The following LEF1 variants were observed in gnomAD, a reference collection of about 807,000 sequenced individuals.
LEF1 encodes lymphoid enhancer-binding factor 1.
In LEF1, 14 loss-of-function variants were observed where a neutral mutation model predicts 51.2. That is an observed-to-expected ratio of 0.27 (90% CI 0.18 to 0.43). The LOEUF is 0.43. Ranked by LOEUF, LEF1 falls within the 20% of genes least tolerant of loss-of-function variation. The probability of loss-of-function intolerance (pLI) is 1.00; values close to 1 mark genes in which losing one functional copy is unlikely to be tolerated. For synonymous variants in LEF1, 185 were observed against 183.2 expected (o/e 1.01, Z -0.08); for missense variants, 386 against 512.0 (o/e 0.75, Z 2.37).
At chr4:108,075,530 C>T (rs1164431067) in intron 8 of LEF1, 2 of 152,170 alleles carry the variant, frequency 1.3e-5, no homozygotes, top group Admixed American at 6.5e-5. Context: ...GGCTACCACA[C>T]AGATATGAAG....
intron 3 of LEF1, among the ~76,000 whole-genome samples, chr4:108,111,351 C>T (rs569709056): frequency 6.6e-6 from 1 of 152,138 alleles, no homozygotes; most frequent in Non-Finnish European, 1.5e-5. Flanking sequence ...GAAAGCACCA[C>T]CTGCTGAGTG....
At chr4:108,067,522 T>C (rs555412189) in intron 9 of LEF1, among the ~76,000 whole-genome samples, 26 of 151,650 alleles carry the variant, frequency 1.7e-4, no homozygotes, top group Admixed American at 1.6e-3. Context: ...TAAGGCAGGA[T>C]TAGAAGATCC....
At position 108,048,360 on chromosome 4, in the gene LEF1, C is replaced by T. The variant is rs1243085556; in HGVS notation, c.*398G>A. 2.5e-5 allele frequency: 5 copies of T among 202,678 alleles called. No individual in the cohort carries two copies. In the East Asian group the frequency reaches 4.2e-4, roughly 17 times the overall value. The allele number at this position is 202,678 out of a possible 1,614,324, so 12.6% of individuals were successfully genotyped here. ...TCCAGTTGCGCATGACAGGCAAATG[C>T]AGCCAAGTTACCGTCCTTGCCGAAA... On this transcript the variant is annotated 3_prime_UTR_variant, in exon 12 of 12. Transcript: ENST00000265165.
chr4:108,150,771 T>C (rs996299526), intron 3 of LEF1, among the ~76,000 whole-genome samples: 1 of 152,202 alleles, frequency 6.6e-6, no homozygotes, highest in South Asian at 2.1e-4. Flanking sequence ...ACTGGAAACA[T>C]AGGCATATTA....
Position 108,048,740 on chromosome 4 carries a change from T to C in LEF1, c.*18A>G. On this transcript the variant is annotated 3_prime_UTR_variant, in exon 12 of 12. Transcript: ENST00000265165. ...TTGGCTTTGCACGTTGGGAATGAGC[T>C]TCGTTTTCCACCTCAAGAAGGAACA... 6.2e-7 allele frequency: 1 copy of C among 1,604,682 alleles called. No individual in the cohort carries two copies. The highest frequency in any genetic ancestry group is 8.5e-7 in the Non-Finnish European group (1 of 1,175,234).
chr4:108,166,415 A>G, intron 1 of LEF1: 2 of 1,418,478 alleles, frequency 1.4e-6, no homozygotes, highest in Non-Finnish European at 9.2e-7. Context: ...TATATCCTCC[A>G]AGTTTCTTTG....
intron 3 of LEF1, among the ~76,000 whole-genome samples, chr4:108,120,360 A>T (rs1742098490): frequency 1.3e-5 from 2 of 152,138 alleles, no homozygotes; most frequent in Admixed American, 1.3e-4. Flanking sequence ...AACCTCTTTA[A>T]CATCTGGCTT....
chr4:108,167,941 AGCTGCCGCGGCGCCCGAATCCCG>A lies in LEF1; in HGVS notation c.-197_-175del. The A allele has an allele frequency of 2.6e-6, 1 of 378,724 alleles. No individual in the cohort carries two copies. The highest frequency in any genetic ancestry group is 4.5e-6 in the Non-Finnish European group (1 of 222,456). The allele number at this position is 378,724 out of a possible 1,614,324, so 23.5% of individuals were successfully genotyped here. On this transcript the variant is annotated 5_prime_UTR_variant, in exon 1 of 12. Coordinates refer to ENST00000265165, the MANE Select transcript of LEF1 (RefSeq NM_016269.5). The surrounding 1 kb of genome is among the most constrained non-coding windows in gnomAD (Gnocchi z 5.7). ...GGGGCCGCCGGCCGGCAGCCGGAGC[AGCTGCCGCGGCGCCCGAATCCCG>A]GCGGCCGCCGCGCTTTCCCGCTTCG...
chr4:108,100,268 A>T (rs1023514632), intron 3 of LEF1, among the ~76,000 whole-genome samples: 1 of 152,206 alleles, frequency 6.6e-6, no homozygotes, highest in Non-Finnish European at 1.5e-5. Flanking sequence ...AAGCCAGAAG[A>T]GAACATTTTC....
chr4:108,115,763 T>C (rs1741794666), intron 3 of LEF1, among the ~76,000 whole-genome samples: 1 of 151,962 alleles, frequency 6.6e-6, no homozygotes, highest in Non-Finnish European at 1.5e-5. Flanking sequence ...GACCTTGAAA[T>C]TCATTTACTT....
chr4:108,062,185 A>G (rs1199794955), intron 11 of LEF1, among the ~76,000 whole-genome samples: 1 of 152,190 alleles, frequency 6.6e-6, no homozygotes, highest in Admixed American at 6.5e-5. Context: ...ATTCAGATCT[A>G]TTTGGTACCA....
intron 3 of LEF1, among the ~76,000 whole-genome samples, chr4:108,127,593 C>T (rs1742626123): frequency 6.6e-6 from 1 of 152,228 alleles, no homozygotes; most frequent in South Asian, 2.1e-4. Context: ...AGTGGGACTA[C>T]TGCTAGTATT....
intron 3 of LEF1, among the ~76,000 whole-genome samples, chr4:108,117,094 A>G (rs1741886510): frequency 6.6e-6 from 1 of 152,116 alleles, no homozygotes; most frequent in Non-Finnish European, 1.5e-5. Flanking sequence ...TCTTTCTTTG[A>G]TTTTATTTCT....
chr4:108,116,076 GC>G (rs1560801296), intron 3 of LEF1, among the ~76,000 whole-genome samples: 3 of 152,126 alleles, frequency 2.0e-5, no homozygotes, highest in Non-Finnish European at 1.5e-5. Flanking sequence ...CTGTGCTCCC[GC>G]CCAGGCAAGA....
chr4:108,121,930 T>C (rs1322507817), intron 3 of LEF1, among the ~76,000 whole-genome samples: 1 of 152,248 alleles, frequency 6.6e-6, no homozygotes, highest in Admixed American at 6.5e-5. Flanking sequence ...AGAGTTTTCC[T>C]TATTGATAAA....
At chr4:108,095,480 C>T (rs1336251740) in intron 3 of LEF1, among the ~76,000 whole-genome samples, 2 of 152,176 alleles carry the variant, frequency 1.3e-5, no homozygotes, top group African/African-American at 2.4e-5. Context: ...TCCTGCCCCA[C>T]ACTGTTTGGT....
At chr4:108,083,558 T>C in intron 4 of LEF1, 112 bp from the exon 5 acceptor site, 1 of 640,952 alleles carries the variant, frequency 1.6e-6, no homozygotes, top group Non-Finnish European at 2.6e-6. Flanking sequence ...AAACAATATT[T>C]ATTCACCAGA....
chr4:108,085,083 A>G (rs1739558307), intron 4 of LEF1, among the ~76,000 whole-genome samples: 1 of 152,004 alleles, frequency 6.6e-6, no homozygotes, highest in Non-Finnish European at 1.5e-5. Flanking sequence ...TATCTATTTT[A>G]TTTTATTTTA....
chr4:108,100,989 T>C (rs1044911968), intron 3 of LEF1, among the ~76,000 whole-genome samples: 9 of 152,250 alleles, frequency 5.9e-5, no homozygotes, highest in African/African-American at 2.2e-4. Flanking sequence ...CACTTCCTGC[T>C]AACACTGGAG....
Sources: gnomAD v4.1 joint callset for allele counts (sites outside exome capture counted in the v4.1 genomes callset) on GRCh38, gnomAD v4.1.1 for gene constraint, Gnocchi (gnomAD v3.1) non-coding constraint, MANE v1.5 for transcripts, NCBI Gene and HGNC (gene_info 2026-07-23, HGNC 2026-07-21) for gene names.